Variants in PTPRD observed in about 807,000 individuals in gnomAD.
The protein encoded by PTPRD is protein tyrosine phosphatase receptor type D.
PTPRD carries 34 observed loss-of-function variants against 214.5 expected under a neutral mutation model. That is an observed-to-expected ratio of 0.16 (90% confidence interval 0.12 to 0.21). The LOEUF (loss-of-function observed/expected upper bound fraction) is 0.21. Among genes scored for constraint, PTPRD ranks in the 10% least tolerant of loss-of-function variants. The pLI is 1.00. For synonymous variants in PTPRD, 1,128 were observed against 845.7 expected, an observed-to-expected ratio of 1.33 and a Z score of -5.79; for missense variants, 2,545 against 2,398.7, an observed-to-expected ratio of 1.06 and a Z score of -1.27.
chr9:9,146,066 T>C (rs1200608577), intron 10 of PTPRD, among the ~76,000 whole-genome samples: 1 of 152,144 alleles, frequency 6.6e-6, no homozygotes, highest in African/African-American at 2.4e-5. Flanking sequence ...CACTTATGAG[T>C]GTTCAGTGAC....
chr9:8,473,331 T>A (rs1250112965), intron 30 of PTPRD, among the ~76,000 whole-genome samples: 1 of 152,128 alleles, frequency 6.6e-6, no homozygotes, highest in African/African-American at 2.4e-5. Flanking sequence ...GACCAATATC[T>A]TTTATGTTAT....
chr9:8,431,935 T>A (rs748310713), intron 35 of PTPRD, among the ~76,000 whole-genome samples: 1 of 152,220 alleles, frequency 6.6e-6, no homozygotes, highest in Non-Finnish European at 1.5e-5. Flanking sequence ...CTGGTAGAAT[T>A]TGGCTGTGAA....
At chr9:9,353,283 T>A (rs920384737) in intron 9 of PTPRD, among the ~76,000 whole-genome samples, 2 of 152,014 alleles carry the variant, frequency 1.3e-5, no homozygotes, top group African/African-American at 4.8e-5. Context: ...TATTAAAATG[T>A]ATAAAAATGT....
At chr9:10,363,096 T>A (rs188405549) in intron 2 of PTPRD, among the ~76,000 whole-genome samples, 10 of 152,312 alleles carry the variant, frequency 6.6e-5, no homozygotes, top group African/African-American at 2.4e-4. Flanking sequence ...AACTCTATTA[T>A]CTATCTGTTG....
At chr9:9,231,814 G>A (rs1000627154) in intron 9 of PTPRD, among the ~76,000 whole-genome samples, 2 of 152,004 alleles carry the variant, frequency 1.3e-5, no homozygotes, top group Non-Finnish European at 2.9e-5. Context: ...CATGTGCCAT[G>A]TTGGTTTGCT....
chr9:9,904,498 A>C (rs13284014), intron 5 of PTPRD, among the ~76,000 whole-genome samples: 94,153 of 151,798 alleles, frequency 0.62, 30,923 homozygotes, highest in Admixed American at 0.74. Flanking sequence ...TAATTATCTC[A>C]AAGGGTAAGA....
At chr9:9,945,593 T>C (rs1027616003) in intron 4 of PTPRD, among the ~76,000 whole-genome samples, 1 of 152,174 alleles carries the variant, frequency 6.6e-6, no homozygotes, top group African/African-American at 2.4e-5. Flanking sequence ...AATTGCACAT[T>C]GCACATGCAA....
intron 11 of PTPRD, among the ~76,000 whole-genome samples, chr9:8,842,159 C>G (rs1375519480): frequency 6.6e-6 from 1 of 151,734 alleles, no homozygotes; most frequent in Admixed American, 6.6e-5. Flanking sequence ...ATAAAAAATA[C>G]CAGAACCTGT....
chr9:8,819,800 G>A (rs1000301570), intron 11 of PTPRD, among the ~76,000 whole-genome samples: 3 of 152,086 alleles, frequency 2.0e-5, no homozygotes, highest in Non-Finnish European at 2.9e-5. Context: ...GTTGATAGCC[G>A]GAATTAACCA....
chr9:8,938,830 A>G lies in PTPRD; in HGVS notation c.-104+79867T>C, dbSNP rs573538570. On this transcript the variant is annotated intron_variant, in intron 11 of 45. Coordinates refer to ENST00000381196, the MANE Select transcript of PTPRD (RefSeq NM_002839.4). ...GCTAAGCTTCCCTAAGCTTTCAGTA[A>G]AGACATTAGCTTAGTTAGCATATTA... Among the ~76,000 whole-genome samples, 11 of 152,266 alleles carry G rather than the reference A, an allele frequency of 7.2e-5. No homozygotes were observed. The East Asian group carries it at 1.9e-3, about 27-fold the overall frequency.
chr9:9,183,903 G>C (rs1422201695), intron 9 of PTPRD, among the ~76,000 whole-genome samples: 1 of 151,532 alleles, frequency 6.6e-6, no homozygotes, highest in Non-Finnish European at 1.5e-5. Flanking sequence ...TTATGTTTAA[G>C]AATTTCATAA....
chr9:8,858,796 A>AACAT (rs372271756), intron 11 of PTPRD, among the ~76,000 whole-genome samples: 31 of 141,872 alleles, frequency 2.2e-4, no homozygotes, highest in African/African-American at 7.0e-4. Flanking sequence ...TGAAGGAGGC[A>AACAT]ACACACACAC....
At chr9:10,224,322 T>G (rs2099581587) in intron 3 of PTPRD, among the ~76,000 whole-genome samples, 1 of 152,056 alleles carries the variant, frequency 6.6e-6, no homozygotes, top group South Asian at 2.1e-4. Context: ...TTGTATGGAT[T>G]AGAATTATGT....
intron 14 of PTPRD, among the ~76,000 whole-genome samples, chr9:8,623,044 C>G (rs1249911076): frequency 6.6e-6 from 1 of 151,836 alleles, no homozygotes; most frequent in Non-Finnish European, 1.5e-5. Flanking sequence ...CCCAGCAACT[C>G]AGGGACTCAG....
At chr9:10,304,751 A>AG (rs560656246) in intron 3 of PTPRD, among the ~76,000 whole-genome samples, 16 of 152,316 alleles carry the variant, frequency 1.1e-4, no homozygotes, top group African/African-American at 3.6e-4. Flanking sequence ...GCTCAAGCAA[A>AG]TAAGAGAGGA....
chr9:9,685,779 A>T (rs1054642279), intron 7 of PTPRD, among the ~76,000 whole-genome samples: 4 of 151,274 alleles, frequency 2.6e-5, no homozygotes, highest in Non-Finnish European at 4.4e-5. Flanking sequence ...TCAGGATGAC[A>T]TTTAATACTA....
chr9:8,566,100 A>ATGTGTGTGTGTGTGTGTGTGTGTGTGTG (rs139478736), intron 14 of PTPRD, among the ~76,000 whole-genome samples: 2 of 137,814 alleles, frequency 1.5e-5, no homozygotes, highest in African/African-American at 2.7e-5. Flanking sequence ...AATGCAAAAT[A>ATGTGTGTGTGTGTGTGTGTGTGTGTGTG]TGTGTGTGTG....
At chr9:9,697,652 G>A (rs1272489571) in intron 7 of PTPRD, among the ~76,000 whole-genome samples, 1 of 151,938 alleles carries the variant, frequency 6.6e-6, no homozygotes, top group Non-Finnish European at 1.5e-5. Context: ...ATTATTATAT[G>A]CCTTGGGGTA....
In PTPRD at chr9:9,352,463, C is replaced by T. The variant is rs550298323; in HGVS notation, c.-203+44986G>A. On this transcript the variant is annotated intron_variant, in intron 9 of 45. Coordinates refer to ENST00000381196, the MANE Select transcript of PTPRD (RefSeq NM_002839.4). The stretch of plus-strand genomic sequence containing the variant: ...TATCTAAGGCAAATTTATTTTTTCT[C>T]CTGGAAATTACAACAAAATCTGCCT... Among the ~76,000 whole-genome samples the T allele has an allele frequency of 3.3e-5, 5 of 151,276 alleles. No individual in the cohort carries two copies. In the South Asian group the frequency reaches 1.0e-3, roughly 32 times the overall value.
Sources: allele counts gnomAD v4.1 joint callset (sites outside exome capture counted in the v4.1 genomes callset), GRCh38; gene constraint gnomAD v4.1.1; transcripts MANE v1.5; gene names NCBI Gene and HGNC (gene_info 2026-07-23, HGNC 2026-07-21).